Variants in MYH15 observed in about 807,000 individuals in gnomAD.
MYH15 encodes the protein myosin-15.
Under a neutral mutation model 240.5 loss-of-function variants are expected in MYH15, and 227 were observed. That is an observed-to-expected ratio of 0.94 (90% CI 0.85 to 1.05). The LOEUF is 1.05. Ranked by LOEUF, MYH15 falls within the 50% of genes least tolerant of loss-of-function variation. The probability of loss-of-function intolerance (pLI) is 0.00; values close to 1 mark genes in which losing one functional copy is unlikely to be tolerated. For synonymous variants in MYH15, 785 were observed against 796.7 expected, an observed-to-expected ratio of 0.99 and a Z score of 0.25; for missense variants, 2,217 against 2,247.5, an observed-to-expected ratio of 0.99 and a Z score of 0.27.
chr3:108,537,170 TAC>T, the MYH15 span, among the ~76,000 whole-genome samples: 1 of 152,312 alleles, frequency 6.6e-6, no homozygotes, highest in Non-Finnish European at 1.5e-5. Flanking sequence ...GATTATAACT[TAC>T]AGAGATGGGA....
upstream of MYH15, among the ~76,000 whole-genome samples, chr3:108,513,505 A>C (rs1185370665): frequency 6.6e-6 from 1 of 152,176 alleles, no homozygotes; most frequent in African/African-American, 2.4e-5. Flanking sequence ...TTGATTTATC[A>C]ATACATACTG....
intron 1 of MYH15, among the ~76,000 whole-genome samples, chr3:108,507,641 G>A (rs549931463): frequency 2.6e-5 from 4 of 152,238 alleles, no homozygotes; most frequent in East Asian, 1.9e-4. Flanking sequence ...GGTTGCTCAC[G>A]ACTTTCTTGC....
rs2083014207 is a variant in MYH15 at position 108,455,780 on chromosome 3, A to C, written c.2218T>G (p.Ser740Ala). The change falls in exon 20 of 41, where the codon TCC becomes GCC. Residue 740 changes from serine (S) to alanine (A), a missense_variant. Ser to Ala is a moderately conservative substitution (Grantham distance 99). Coordinates refer to ENST00000693548, the MANE Select transcript of MYH15 (RefSeq NM_014981.3). ...TACTGGGTATGGTCTATCTCCAAGG[A>C]GCCAAGTAATTCTTCAGCTGCTTTT... ...SRKAAEELLGSLEIDHTQYRF... is the reference protein window; with the variant it reads ...SRKAAEELLGALEIDHTQYRF... The C allele has an allele frequency of 1.2e-6, 2 of 1,613,860 alleles. No individual in the cohort carries two copies. Among genetic ancestry groups the C allele is most frequent in the Non-Finnish European group, 1.7e-6 (2 of 1,179,776 alleles).
chr3:108,419,035 G>C (rs1368049013), intron 28 of MYH15, among the ~76,000 whole-genome samples: 1 of 152,212 alleles, frequency 6.6e-6, no homozygotes, highest in Non-Finnish European at 1.5e-5. Flanking sequence ...TTACAGGCAT[G>C]AGCCACTCTG....
At position 108,392,905 on chromosome 3, in the gene MYH15, C is replaced by T. The variant is rs551179994; in HGVS notation, c.5260-975G>A. Among the ~76,000 whole-genome samples, 13 of 152,316 alleles carry T rather than the reference C, an allele frequency of 8.5e-5. No homozygotes were observed. The South Asian group carries it at 1.5e-3, about 17-fold the overall frequency. Reference sequence around the variant, plus strand: ...ATTTGTTCCCTTGGCCATCAAACATCTTCAAGATTTCACACACCTCGTTTT... The same window carrying T: ...ATTTGTTCCCTTGGCCATCAAACATTTTCAAGATTTCACACACCTCGTTTT... On this transcript the variant is annotated intron_variant, in intron 36 of 40. Coordinates refer to ENST00000693548, the MANE Select transcript of MYH15 (RefSeq NM_014981.3).
chr3:108,446,161 C>CA (rs1234879496), intron 21 of MYH15, among the ~76,000 whole-genome samples: 1 of 152,160 alleles, frequency 6.6e-6, no homozygotes, highest in Non-Finnish European at 1.5e-5. Context: ...ACCCAGTCAA[C>CA]AAGGGTGTTC....
intron 27 of MYH15, among the ~76,000 whole-genome samples, chr3:108,425,163 G>C (rs2082716753): frequency 6.6e-6 from 1 of 152,204 alleles, no homozygotes; most frequent in African/African-American, 2.4e-5. Flanking sequence ...AGAATAATTA[G>C]TTTGGAAAAG....
At chr3:108,482,409 G>A (rs1033752574) in intron 11 of MYH15, among the ~76,000 whole-genome samples, 7 of 152,142 alleles carry the variant, frequency 4.6e-5, no homozygotes, top group African/African-American at 1.7e-4. Context: ...AACCTGAGAA[G>A]AAGCCAAAAG....
At position 108,435,715 on chromosome 3, in the gene MYH15, T is replaced by C. The variant is rs145997020; in HGVS notation, c.3221+1839A>G. Among the ~76,000 whole-genome samples, 498 of 150,046 alleles carry C rather than the reference T, an allele frequency of 3.3e-3. 1 individual carries two copies. Among genetic ancestry groups the C allele is most frequent in the Non-Finnish European group, 5.1e-3 (347 of 67,584 alleles). ...ATACATATATATATATATATATGTA[T>C]GTATACAGATGTATGTATGAATGTA... is the stretch of plus-strand genomic sequence containing the variant. On this transcript the variant is annotated intron_variant, in intron 25 of 40. Coordinates refer to ENST00000693548, the MANE Select transcript of MYH15 (RefSeq NM_014981.3).
At chr3:108,521,070 T>C (rs888828914) in intron 1 of MYH15, among the ~76,000 whole-genome samples, 1 of 152,074 alleles carries the variant, frequency 6.6e-6, no homozygotes, top group Admixed American at 6.6e-5. Context: ...CTTGTAATAA[T>C]TATAATATAT....
chr3:108,401,692 C>G (rs1314949327), intron 33 of MYH15, among the ~76,000 whole-genome samples: 2 of 152,228 alleles, frequency 1.3e-5, no homozygotes, highest in Non-Finnish European at 2.9e-5. Context: ...TCTACTTAAG[C>G]AGACAAACTG....
intron 18 of MYH15, among the ~76,000 whole-genome samples, chr3:108,457,992 C>A (rs1286800958): frequency 6.6e-6 from 1 of 152,146 alleles, no homozygotes; most frequent in African/African-American, 2.4e-5. Context: ...CAAGATCATA[C>A]CACTGCACTT....
Position 108,444,822 on chromosome 3 carries a change from A to C in MYH15, c.2473T>G (p.Phe825Val). ...AVKNWPWMRL[F>V]FKIKPLVKSS... is the part of the protein sequence containing the mutation. ...TTAACAAGAGGCTTGATCTTGAAGAAGAGCCTCATCCAGGGCCAGTTCTTC... is the reference window on the plus strand; with the variant it reads ...TTAACAAGAGGCTTGATCTTGAAGACGAGCCTCATCCAGGGCCAGTTCTTC... Residue 825 changes from phenylalanine (F) to valine (V), a missense_variant, in exon 22 of 41, where the codon TTC becomes GTC. Transcript: ENST00000693548. The C allele has an allele frequency of 6.2e-7, 1 of 1,614,112 alleles. No individual in the cohort carries two copies. The highest frequency in any genetic ancestry group is 1.1e-5 in the South Asian group (1 of 91,086).
rs1202524671 is a variant in MYH15, at chr3:108,394,169, A to G, written c.5134-13T>C. On this transcript the variant is annotated splice_polypyrimidine_tract_variant and intron_variant, in intron 35 of 40. Coordinates refer to ENST00000693548, the MANE Select transcript of MYH15 (RefSeq NM_014981.3). ...GGAGGCTTGTGTTCTAAAGAAAAGC[A>G]GCATTCCTATTAGGCAAGTAAAAAC... 1.3e-5 allele frequency: 21 copies of G among 1,613,682 alleles called. No homozygotes were observed. The highest frequency in any genetic ancestry group is 1.6e-5 in the Non-Finnish European group (19 of 1,179,914).
intron 21 of MYH15, among the ~76,000 whole-genome samples, chr3:108,447,489 T>A (rs2082938129): frequency 6.6e-6 from 1 of 151,788 alleles, no homozygotes; most frequent in South Asian, 2.1e-4. Flanking sequence ...TTGTCACATA[T>A]AATGAAACCC....
chr3:108,388,040 G>C (rs2082396868), intron 38 of MYH15, among the ~76,000 whole-genome samples: 1 of 152,136 alleles, frequency 6.6e-6, no homozygotes, highest in Non-Finnish European at 1.5e-5. Context: ...AAATAAATTT[G>C]CCTTTGTATT....
intron 20 of MYH15, among the ~76,000 whole-genome samples, chr3:108,455,272 G>T (rs1200125716): frequency 6.6e-6 from 1 of 152,192 alleles, no homozygotes; most frequent in East Asian, 1.9e-4. Context: ...ATTTAAGGAA[G>T]TTGGTTTTGG....
chr3:108,497,477 T>G (rs2083399971), intron 6 of MYH15, among the ~76,000 whole-genome samples: 1 of 152,246 alleles, frequency 6.6e-6, no homozygotes, highest in East Asian at 1.9e-4. Context: ...CTCAAGTTAT[T>G]ATGATGTCCA....
intron 22 of MYH15, among the ~76,000 whole-genome samples, chr3:108,443,811 C>T (rs1576237091): frequency 6.6e-6 from 1 of 151,542 alleles, no homozygotes; most frequent in East Asian, 1.9e-4. Flanking sequence ...TATTTGGACC[C>T]ACACAGAGTC....
Sources: allele counts gnomAD v4.1 joint callset (sites outside exome capture counted in the v4.1 genomes callset), GRCh38; gene constraint gnomAD v4.1.1; transcripts MANE v1.5; gene names NCBI Gene and HGNC (gene_info 2026-07-23, HGNC 2026-07-21).